The following SACM1L variants were observed in gnomAD, a reference collection of about 807,000 sequenced individuals.
SACM1L encodes the protein SAC1 like phosphatidylinositide phosphatase, also known as phosphatidylinositol-3-phosphatase SAC1.
SACM1L carries 32 observed loss-of-function variants against 89.5 expected under a neutral mutation model. The observed-to-expected ratio is 0.36, with a 90% CI of 0.27 to 0.48. The LOEUF (loss-of-function observed/expected upper bound fraction) is 0.48. SACM1L is among the 20% of genes least tolerant of loss of function. SACM1L has a pLI of 0.99. For synonymous variants in SACM1L, 213 were observed against 232.8 expected (o/e 0.92, Z 0.77); for missense variants, 543 against 708.5 (o/e 0.77, Z 2.65).
chr3:45,724,298 G>GGTGTGTGTGTGTGTGTGTGT (rs61075879), intron 11 of SACM1L, among the ~76,000 whole-genome samples: 24 of 139,820 alleles, frequency 1.7e-4, no homozygotes, highest in East Asian at 6.6e-4. Flanking sequence ...GTTGTTTTCT[G>GGTGTGTGTGTGTGTGTGTGT]GTGTGTGTGT....
chr3:45,719,082 A>AT (rs1040626055), intron 7 of SACM1L, among the ~76,000 whole-genome samples: 1 of 151,588 alleles, frequency 6.6e-6, no homozygotes, highest in Non-Finnish European at 1.5e-5. Context: ...CATGCATTTC[A>AT]TTTTTTTTCC....
At position 45,706,835 on chromosome 3, in the gene SACM1L, T is replaced by C. The variant is rs1246763545; in HGVS notation, c.261T>C (p.His87=). Residue 87 remains histidine (H), a synonymous_variant, in exon 4 of 20, where the codon CAT becomes CAC. Coordinates refer to ENST00000389061, the MANE Select transcript of SACM1L (RefSeq NM_014016.5). The part of the protein sequence containing the change: ...KKIKVGEFFS[H]VVWKATDFDV... ...TAAAAGTAGGTGAATTTTTCAGTCA[T>C]GTAGTCTGGAAAGCAACAGATTTTG... 1.2e-6 allele frequency: 2 copies of C among 1,612,688 alleles called. No homozygotes were observed. The highest frequency in any genetic ancestry group is 1.1e-5 in the South Asian group (1 of 90,998).
At position 45,722,857 on chromosome 3, in the gene SACM1L, CTT is replaced by C. The variant is rs752491946; in HGVS notation, c.766-9_766-8del. The C allele has an allele frequency of 6.3e-7, 1 of 1,596,610 alleles. No individual in the cohort carries two copies. Among genetic ancestry groups the C allele is most frequent in the Admixed American group, 1.7e-5 (1 of 59,770 alleles). On this transcript the variant is annotated splice_polypyrimidine_tract_variant and intron_variant, in intron 9 of 19. Transcript: ENST00000389061. Reference sequence around the variant, plus strand: ...TTTGTGTTTCTTTTCACATTTCTCTCTTTTCTTTTAGACTCGAGGATCAATAC... The same window carrying C: ...TTTGTGTTTCTTTTCACATTTCTCTCTTCTTTTAGACTCGAGGATCAATAC...
At chr3:45,719,910 T>C (rs1213564083) in intron 8 of SACM1L, among the ~76,000 whole-genome samples, 2 of 152,176 alleles carry the variant, frequency 1.3e-5, no homozygotes, top group Non-Finnish European at 2.9e-5. Context: ...ACTTAGAAAG[T>C]ATTTTCTTGT....
chr3:45,726,685 A>G (rs1011643320), intron 11 of SACM1L, among the ~76,000 whole-genome samples: 2 of 151,648 alleles, frequency 1.3e-5, no homozygotes, highest in African/African-American at 2.4e-5. Context: ...TATTGTTTTT[A>G]TATTTTCTAT....
In SACM1L at chr3:45,728,286, GTAAT is replaced by G. The variant is rs568506478; in HGVS notation, c.922-3012_922-3009del. Reference sequence around the variant, plus strand: ...GAGAGTTAATCCATTTGCATTTAAAGTAATTACTGATAAGGATTTACTTCTGCTA... The same window carrying G: ...GAGAGTTAATCCATTTGCATTTAAAGTACTGATAAGGATTTACTTCTGCTA... On this transcript the variant is annotated intron_variant, in intron 11 of 19. Coordinates refer to ENST00000389061, the MANE Select transcript of SACM1L (RefSeq NM_014016.5). Among the ~76,000 whole-genome samples, 4 of 152,252 alleles carry G rather than the reference GTAAT, an allele frequency of 2.6e-5. No individual in the cohort carries two copies. In the East Asian group the frequency reaches 7.7e-4, roughly 29 times the overall value.
intron 3 of SACM1L, 37 bp from the exon 4 acceptor site, chr3:45,706,740 CTAT>C (rs1698405623): frequency 1.3e-6 from 2 of 1,523,090 alleles, no homozygotes; most frequent in African/African-American, 2.8e-5. Context: ...TTTAGAGTTA[CTAT>C]TTTTATAATT....
At chr3:45,697,402 G>A (rs1698158957) in intron 1 of SACM1L, among the ~76,000 whole-genome samples, 2 of 147,844 alleles carry the variant, frequency 1.4e-5, no homozygotes, top group Non-Finnish European at 3.0e-5. Context: ...TCAGCCTCCT[G>A]AATAGCTGAG....
At chr3:45,714,329 A>G (rs1238522174) in intron 7 of SACM1L, among the ~76,000 whole-genome samples, 1 of 152,022 alleles carries the variant, frequency 6.6e-6, no homozygotes, top group Non-Finnish European at 1.5e-5. Flanking sequence ...AAGAAAAGGA[A>G]TATGTGTACT....
intron 1 of SACM1L, among the ~76,000 whole-genome samples, chr3:45,692,616 G>C (rs957606012): frequency 6.6e-6 from 1 of 152,184 alleles, no homozygotes; most frequent in Non-Finnish European, 1.5e-5. Flanking sequence ...GGCCCAAAGA[G>C]AGTTTAGATG....
Position 45,689,402 on chromosome 3 carries a change from G to A in SACM1L, c.-64G>A. Reference sequence around the variant, plus strand: ...CTGTGCCAGGGTGACCGGTAGAGTTGTAGCCGAGGTGGCGGCGCGGGGCGG... The same window carrying A: ...CTGTGCCAGGGTGACCGGTAGAGTTATAGCCGAGGTGGCGGCGCGGGGCGG... On this transcript the variant is annotated 5_prime_UTR_variant, in exon 1 of 20. Coordinates refer to ENST00000389061, the MANE Select transcript of SACM1L (RefSeq NM_014016.5). 1 of 1,549,690 alleles carries A rather than the reference G, an allele frequency of 6.5e-7. No individual in the cohort carries two copies. Among genetic ancestry groups the A allele is most frequent in the Non-Finnish European group, 8.7e-7 (1 of 1,145,994 alleles).
Position 45,717,985 on chromosome 3 carries a change from CA to C in SACM1L, c.578-1512del, listed in dbSNP as rs1698700931. ...TCAAATGTTGGTAAAGGTGAGAAGC[CA>C]AAGTAATTCTTGAAGCAATATGGAA... On this transcript the variant is annotated intron_variant, in intron 7 of 19. Coordinates refer to ENST00000389061, the MANE Select transcript of SACM1L (RefSeq NM_014016.5). Among the ~76,000 whole-genome samples, 5 of 152,160 alleles carry C rather than the reference CA, an allele frequency of 3.3e-5. No homozygotes were observed. In the South Asian group the frequency reaches 1.0e-3, roughly 32 times the overall value.
chr3:45,745,024 T>G lies in SACM1L; in HGVS notation c.*1355T>G, dbSNP rs1446317308. ...TAAAACATTAATATAAGTCGTTACT[T>G]TTAGAAACTAAAGGAAATAATAGCT... On this transcript the variant is annotated 3_prime_UTR_variant, in exon 20 of 20. Coordinates refer to ENST00000389061, the MANE Select transcript of SACM1L (RefSeq NM_014016.5). 1.3e-5 allele frequency: 2 copies of G among 152,220 alleles called. No homozygotes were observed. Among genetic ancestry groups the G allele is most frequent in the Non-Finnish European group, 2.9e-5 (2 of 68,030 alleles). 9.4% of individuals were successfully genotyped at this position (152,220 alleles called of 1,614,324 possible).
chr3:45,695,649 C>T (rs1199935985), intron 1 of SACM1L, among the ~76,000 whole-genome samples: 3 of 152,182 alleles, frequency 2.0e-5, no homozygotes, highest in South Asian at 2.1e-4. Flanking sequence ...ATAGTGGTTT[C>T]ATTATTTTTA....
chr3:45,736,027 T>C (rs1051700686), intron 14 of SACM1L, among the ~76,000 whole-genome samples: 1 of 151,994 alleles, frequency 6.6e-6, no homozygotes, highest in Non-Finnish European at 1.5e-5. Context: ...CCACCACACC[T>C]GGCTAATTTT....
intron 19 of SACM1L, chr3:45,742,983 A>G (rs142549737): frequency 0.016 from 2,453 of 152,300 alleles, 35 homozygotes; most frequent in Non-Finnish European, 0.024. Flanking sequence ...AGAAAATGTT[A>G]TTGACTTTTG....
chr3:45,740,459 C>T (rs908850495), intron 19 of SACM1L, among the ~76,000 whole-genome samples: 3 of 152,116 alleles, frequency 2.0e-5, no homozygotes, highest in African/African-American at 7.2e-5. Flanking sequence ...GGATATGTGG[C>T]CCACTATCTT....
chr3:45,713,831 A>G (rs1698578903), intron 6 of SACM1L: 1 of 286,616 alleles, frequency 3.5e-6, no homozygotes, highest in Admixed American at 5.1e-5. Flanking sequence ...AACTTCATGT[A>G]GCTTTATTAG....
At chr3:45,709,757 T>C in intron 5 of SACM1L, 110 bp downstream of exon 5, 1 of 967,810 alleles carries the variant, frequency 1.0e-6, no homozygotes, top group Non-Finnish European at 1.5e-6. Flanking sequence ...TATCTTAGAA[T>C]CATGTATGAG....
Sources: allele counts gnomAD v4.1 joint callset (sites outside exome capture counted in the v4.1 genomes callset), GRCh38; gene constraint gnomAD v4.1.1; transcripts MANE v1.5; gene names NCBI Gene and HGNC (gene_info 2026-07-23, HGNC 2026-07-21).